Variants in LRP12 observed in about 807,000 individuals in gnomAD.
LRP12 encodes the protein LDL receptor related protein 12, also known as low-density lipoprotein receptor-related protein 12.
LRP12 carries 14 observed loss-of-function variants against 66.0 expected under a neutral mutation model. That is an observed-to-expected ratio of 0.21 (90% CI 0.14 to 0.33). LRP12 has a LOEUF of 0.33. Ranked by LOEUF, LRP12 falls within the 10% of genes least tolerant of loss-of-function variation. The pLI is 1.00. For synonymous variants in LRP12, 357 were observed against 359.1 expected (o/e 0.99, Z 0.07); for missense variants, 889 against 1,053.4 (o/e 0.84, Z 2.16).
chr8:104,492,721 G>C (rs1480083942), intron 6 of LRP12, among the ~76,000 whole-genome samples: 1 of 152,034 alleles, frequency 6.6e-6, no homozygotes, highest in Non-Finnish European at 1.5e-5. Context: ...ACTATCATAG[G>C]AACATTTCAT....
At chr8:104,572,510 A>G (rs1812097469) in intron 1 of LRP12, among the ~76,000 whole-genome samples, 1 of 152,238 alleles carries the variant, frequency 6.6e-6, no homozygotes, top group South Asian at 2.1e-4. Context: ...GGAAAGCAGT[A>G]CAGCATGAAA....
Position 104,588,918 on chromosome 8 carries a change from GA to G in LRP12, c.-22del. The G allele has an allele frequency of 6.3e-7, 1 of 1,580,016 alleles. No homozygotes were observed. The highest frequency in any genetic ancestry group is 8.6e-7 in the Non-Finnish European group (1 of 1,159,598). ...GCCATAACCACAGCAGATGGAGAGAGAGAGGAGGAGACGGAGGAGGAGGGAG... is the reference window on the plus strand; with the variant it reads ...GCCATAACCACAGCAGATGGAGAGAGGAGGAGGAGACGGAGGAGGAGGGAG... On this transcript the variant is annotated 5_prime_UTR_variant, in exon 1 of 7. Coordinates refer to ENST00000276654, the MANE Select transcript of LRP12 (RefSeq NM_013437.5).
chr8:104,573,355 T>G (rs912784377), intron 1 of LRP12, among the ~76,000 whole-genome samples: 5 of 152,178 alleles, frequency 3.3e-5, no homozygotes, highest in Non-Finnish European at 5.9e-5. Flanking sequence ...ACCCCCTGAC[T>G]TGAGCTCAGT....
chr8:104,547,790 ATAAT>A (rs1239556948), intron 1 of LRP12, among the ~76,000 whole-genome samples: 1 of 129,272 alleles, frequency 7.7e-6, no homozygotes, highest in East Asian at 2.2e-4. Context: ...TATATAATAT[ATAAT>A]TATATATTAT....
chr8:104,498,585 T>C (rs992126276), intron 4 of LRP12, among the ~76,000 whole-genome samples: 1 of 152,236 alleles, frequency 6.6e-6, no homozygotes, highest in Admixed American at 6.5e-5. Flanking sequence ...CTGCATAGTA[T>C]TCCATGGTGT....
chr8:104,546,139 A>C (rs1588499235), intron 1 of LRP12, among the ~76,000 whole-genome samples: 1 of 152,156 alleles, frequency 6.6e-6, no homozygotes, highest in East Asian at 1.9e-4. Context: ...ACAGTAAGAG[A>C]CTAGCGATAA....
At chr8:104,563,653 C>T (rs1811950360) in intron 1 of LRP12, among the ~76,000 whole-genome samples, 2 of 152,040 alleles carry the variant, frequency 1.3e-5, no homozygotes, top group South Asian at 4.2e-4. Context: ...GTCATGAGGG[C>T]TCTGTCCTCA....
rs575079154 is a variant in LRP12 at position 104,582,799 on chromosome 8, C to T, written c.79+6020G>A. 2.6e-5 allele frequency among the ~76,000 whole-genome samples: 4 copies of T among 152,250 alleles called. No homozygotes were observed. In the East Asian group the frequency reaches 7.7e-4, roughly 29 times the overall value. ...GATTAAATAACAGAAATCTAACTTG[C>T]TAAGCGTCCAAACCATTCTACTGAA... On this transcript the variant is annotated intron_variant, in intron 1 of 6. Coordinates refer to ENST00000276654, the MANE Select transcript of LRP12 (RefSeq NM_013437.5).
At chr8:104,553,795 G>C (rs1208445581) in intron 1 of LRP12, among the ~76,000 whole-genome samples, 5 of 152,190 alleles carry the variant, frequency 3.3e-5, no homozygotes, top group South Asian at 4.1e-4. Context: ...TCTCTTGAAA[G>C]TGCCACCTCC....
intron 1 of LRP12, among the ~76,000 whole-genome samples, chr8:104,564,441 GC>G (rs1407418182): frequency 3.9e-5 from 6 of 152,120 alleles, no homozygotes; most frequent in South Asian, 2.1e-4. Context: ...CTAGAATCGC[GC>G]ATTATGTACA....
At chr8:104,543,443 T>C (rs1039434661) in intron 1 of LRP12, among the ~76,000 whole-genome samples, 27 of 152,078 alleles carry the variant, frequency 1.8e-4, no homozygotes, top group Admixed American at 3.3e-4. Context: ...TAAAAGAGGG[T>C]AAACTTAACT....
intron 2 of LRP12, among the ~76,000 whole-genome samples, chr8:104,524,862 G>A (rs928092935): frequency 3.3e-5 from 5 of 152,054 alleles, no homozygotes; most frequent in Admixed American, 2.6e-4. Flanking sequence ...AGAATATCCT[G>A]ATTAAAGTCA....
chr8:104,588,765 C>A, intron 1 of LRP12, 54 bp downstream of exon 1: 2 of 1,552,614 alleles, frequency 1.3e-6, no homozygotes, highest in Middle Eastern at 1.7e-4. Flanking sequence ...GCCTCGGGGC[C>A]CGGGTCGCCT....
chr8:104,504,409 T>C (rs890104046), intron 3 of LRP12: 1 of 152,134 alleles, frequency 6.6e-6, no homozygotes, highest in African/African-American at 2.4e-5. Flanking sequence ...GCTGAGCTTA[T>C]TTATTTTCTA....
At chr8:104,577,311 T>C (rs180862275) in intron 1 of LRP12, among the ~76,000 whole-genome samples, 11 of 152,306 alleles carry the variant, frequency 7.2e-5, no homozygotes, top group Non-Finnish European at 1.3e-4. Context: ...TACTCTAAAA[T>C]TGATTACATA....
chr8:104,566,725 A>T (rs934982151), intron 1 of LRP12, among the ~76,000 whole-genome samples: 5 of 152,190 alleles, frequency 3.3e-5, no homozygotes, highest in African/African-American at 1.2e-4. Flanking sequence ...ATAATCAAAA[A>T]GTAGAGTTTC....
At chr8:104,558,384 G>C (rs1811847819) in intron 1 of LRP12, among the ~76,000 whole-genome samples, 1 of 152,276 alleles carries the variant, frequency 6.6e-6, no homozygotes, top group Admixed American at 6.5e-5. Flanking sequence ...AAATGATGCT[G>C]GGATAATTGG....
Position 104,495,266 on chromosome 8 carries a change from A to G in LRP12, c.1581-57T>C, listed in dbSNP as rs1810706408. The G allele has an allele frequency of 2.0e-6, 3 of 1,515,692 alleles. No homozygotes were observed. The South Asian group carries it at 3.5e-5, about 18-fold the overall frequency. The allele number at this position is 1,515,692 out of a possible 1,614,324, so 93.9% of individuals were successfully genotyped here. On this transcript the variant is annotated intron_variant, in intron 5 of 6. Coordinates refer to ENST00000276654, the MANE Select transcript of LRP12 (RefSeq NM_013437.5). ...AAAGGGGGAGCGAAGAAAAAGAACA[A>G]TTTTCTATTATCAGTAATTAAAACA...
At chr8:104,515,787 T>C (rs16871527) in intron 2 of LRP12, among the ~76,000 whole-genome samples, 3,505 of 152,310 alleles carry the variant, frequency 0.023, 156 homozygotes, top group African/African-American at 0.08. Context: ...TTTTATTTGC[T>C]AGGGTTATAC....
Sources: gnomAD v4.1 joint callset for allele counts (sites outside exome capture counted in the v4.1 genomes callset) on GRCh38, gnomAD v4.1.1 for gene constraint, MANE v1.5 for transcripts, NCBI Gene and HGNC (gene_info 2026-07-23, HGNC 2026-07-21) for gene names.